Variants in ADCY2 observed in about 807,000 individuals in gnomAD.
ADCY2 encodes adenylate cyclase type 2.
ADCY2 carries 31 observed loss-of-function variants against 125.2 expected under a neutral mutation model. The observed-to-expected ratio is 0.25, with a 90% CI of 0.19 to 0.33. ADCY2 has a LOEUF of 0.33. Ranked by LOEUF, ADCY2 falls within the 10% of genes least tolerant of loss-of-function variation. The pLI is 1.00. For missense variants in ADCY2, 904 were observed against 1,418.2 expected (o/e 0.64, Z 5.82); for synonymous variants, 512 against 548.4 (o/e 0.93, Z 0.93).
chr5:7,757,932 C>G (rs1743070013), intron 16 of ADCY2, among the ~76,000 whole-genome samples: 1 of 152,152 alleles, frequency 6.6e-6, no homozygotes, highest in Admixed American at 6.5e-5. Context: ...TGGATCAGTT[C>G]CCCACTTCCT....
chr5:7,786,786 G>T (rs1304420465), intron 19 of ADCY2, among the ~76,000 whole-genome samples: 5 of 152,180 alleles, frequency 3.3e-5, no homozygotes, highest in Non-Finnish European at 7.3e-5. Flanking sequence ...TGAAGCTGTT[G>T]TTTTGTAGGA....
chr5:7,627,688 A>G (rs1399673984), intron 4 of ADCY2, among the ~76,000 whole-genome samples: 1 of 152,188 alleles, frequency 6.6e-6, no homozygotes. Context: ...TAGGAGCAAA[A>G]AGTATATCCT....
chr5:7,733,024 CT>C (rs1382501861), intron 14 of ADCY2, among the ~76,000 whole-genome samples: 2 of 152,222 alleles, frequency 1.3e-5, no homozygotes, highest in African/African-American at 4.8e-5. Flanking sequence ...GCATGAATTG[CT>C]TTTTTTGCTT....
intron 2 of ADCY2, among the ~76,000 whole-genome samples, chr5:7,446,252 T>C (rs746863723): frequency 4.6e-5 from 7 of 152,224 alleles, no homozygotes; most frequent in Non-Finnish European, 5.9e-5. Context: ...ATTTCATAGA[T>C]CATTTAATAT....
At chr5:7,694,972 ATAG>A (rs1394885845) in intron 5 of ADCY2, among the ~76,000 whole-genome samples, 1 of 152,218 alleles carries the variant, frequency 6.6e-6, no homozygotes, top group African/African-American at 2.4e-5. Context: ...TGACTGTGAA[ATAG>A]TAGTTGTTTT....
intron 3 of ADCY2, among the ~76,000 whole-genome samples, chr5:7,565,417 C>A (rs61061403): frequency 0.013 from 2,054 of 152,240 alleles, 42 homozygotes; most frequent in African/African-American, 0.047. Context: ...CTTACAGACA[C>A]CCTTGGTTAT....
intron 20 of ADCY2, chr5:7,801,778 C>A (rs1744603395): frequency 1.9e-5 from 3 of 159,184 alleles, no homozygotes; most frequent in Admixed American, 1.8e-4. Context: ...TTGATGAATT[C>A]CATACGCTGT....
chr5:7,803,938 G>GTA (rs1052121514), intron 21 of ADCY2, among the ~76,000 whole-genome samples: 2 of 147,230 alleles, frequency 1.4e-5, no homozygotes, highest in African/African-American at 2.5e-5. Context: ...ATGTGTGTGT[G>GTA]TATATATATA....
chr5:7,506,980 G>C (rs1269660949), intron 2 of ADCY2, among the ~76,000 whole-genome samples: 4 of 148,738 alleles, frequency 2.7e-5, no homozygotes, highest in Non-Finnish European at 4.5e-5. Context: ...GTACAGACGG[G>C]GTTTCACCGT....
intron 2 of ADCY2, among the ~76,000 whole-genome samples, chr5:7,517,945 A>G (rs909320313): frequency 4.6e-5 from 7 of 152,240 alleles, no homozygotes; most frequent in African/African-American, 1.7e-4. Flanking sequence ...CAACTCTGGT[A>G]CCTGAAATTA....
intron 2 of ADCY2, among the ~76,000 whole-genome samples, chr5:7,483,740 A>G (rs1420214596): frequency 6.6e-6 from 1 of 152,088 alleles, no homozygotes; most frequent in Non-Finnish European, 1.5e-5. Flanking sequence ...ACTGGAATAC[A>G]CCATCTGTGC....
intron 3 of ADCY2, among the ~76,000 whole-genome samples, chr5:7,584,180 T>C (rs1253465903): frequency 6.6e-6 from 1 of 152,094 alleles, no homozygotes; most frequent in African/African-American, 2.4e-5. Context: ...AAAGACCTAA[T>C]GTAAAGCATA....
chr5:7,717,427 C>A (rs1741623131), intron 12 of ADCY2, among the ~76,000 whole-genome samples, 190 bp downstream of exon 12: 1 of 152,080 alleles, frequency 6.6e-6, no homozygotes, highest in Non-Finnish European at 1.5e-5. Context: ...AATATTTAAT[C>A]CCTGCCTAGA....
At chr5:7,441,080 G>T (rs1421065686) in intron 2 of ADCY2, among the ~76,000 whole-genome samples, 1 of 152,138 alleles carries the variant, frequency 6.6e-6, no homozygotes, top group Non-Finnish European at 1.5e-5. Flanking sequence ...GGGCAGGACG[G>T]TTTTGGAGAT....
At chr5:7,445,018 C>A (rs896585794) in intron 2 of ADCY2, among the ~76,000 whole-genome samples, 3 of 152,086 alleles carry the variant, frequency 2.0e-5, no homozygotes, top group African/African-American at 7.2e-5. Context: ...ATTTAAGTTG[C>A]AAAGATTTTC....
intron 2 of ADCY2, among the ~76,000 whole-genome samples, chr5:7,417,753 T>C (rs1018425973): frequency 1.3e-5 from 2 of 152,202 alleles, no homozygotes; most frequent in African/African-American, 4.8e-5. Flanking sequence ...GGGCAACTTA[T>C]AGAACCTTAA....
intron 4 of ADCY2, among the ~76,000 whole-genome samples, chr5:7,643,686 T>C (rs559722488): frequency 3.9e-5 from 6 of 152,206 alleles, no homozygotes; most frequent in African/African-American, 1.4e-4. Flanking sequence ...AAACATAGTT[T>C]GCTTTTTGGA....
At chr5:7,753,036 T>C (rs1370617170) in intron 15 of ADCY2, among the ~76,000 whole-genome samples, 1 of 151,910 alleles carries the variant, frequency 6.6e-6, no homozygotes, top group Non-Finnish European at 1.5e-5. Flanking sequence ...GTAGCTGGGA[T>C]TACAGGCACC....
At chr5:7,762,343 G>T (rs1300398936) in intron 16 of ADCY2, among the ~76,000 whole-genome samples, 1 of 152,218 alleles carries the variant, frequency 6.6e-6, no homozygotes, top group Non-Finnish European at 1.5e-5. Flanking sequence ...TCACAGAAGA[G>T]GCAGGACTTG....
Sources: allele counts gnomAD v4.1 joint callset (sites outside exome capture counted in the v4.1 genomes callset), GRCh38; gene constraint gnomAD v4.1.1; transcripts MANE v1.5; gene names NCBI Gene and HGNC (gene_info 2026-07-23, HGNC 2026-07-21).